POLA1: variants seen among roughly 807,000 people sequenced by gnomAD.
POLA1 encodes the protein DNA polymerase alpha 1, catalytic subunit.
A neutral mutation model predicts 124.0 loss-of-function variants in POLA1; 15 were observed. The observed-to-expected ratio is 0.12, with a 90% CI of 0.08 to 0.19. The LOEUF (loss-of-function observed/expected upper bound fraction) is 0.19, where lower values mean the gene tolerates loss of function less well. POLA1 is among the 10% of genes least tolerant of loss of function. The probability of loss-of-function intolerance (pLI) is 1.00; values close to 1 mark genes in which losing one functional copy is unlikely to be tolerated. For missense variants in POLA1, 886 were observed against 1,103.4 expected, an observed-to-expected ratio of 0.80 and a Z score of 2.79; for synonymous variants, 408 against 389.4, an observed-to-expected ratio of 1.05 and a Z score of -0.56.
At chrX:24,972,905 G>C (rs1441826112) in intron 36 of POLA1, among the ~76,000 whole-genome samples, 1 of 112,522 alleles carries the variant, frequency 8.9e-6, no homozygotes, top group Admixed American at 9.4e-5. Context: ...CAGCATGGTT[G>C]ACAAGGCACC....
At chrX:24,797,779 G>A (rs1315115024) in intron 26 of POLA1, among the ~76,000 whole-genome samples, 3 of 110,996 alleles carry the variant, frequency 2.7e-5, no homozygotes, top group African/African-American at 9.8e-5. Flanking sequence ...TGGGTGCAGT[G>A]ACTTACACCT....
At chrX:24,796,696 A>G (rs1234389360) in intron 26 of POLA1, among the ~76,000 whole-genome samples, 4 of 111,419 alleles carry the variant, frequency 3.6e-5, no homozygotes, top group Non-Finnish European at 7.5e-5. Context: ...TGATATTAAT[A>G]TATTGCATCC....
intron 36 of POLA1, among the ~76,000 whole-genome samples, chrX:24,989,352 C>G (rs1421290768): frequency 9.0e-6 from 1 of 111,642 alleles, no homozygotes; most frequent in East Asian, 2.8e-4. Flanking sequence ...CCCCCTAACC[C>G]CCCTGAGCAC....
chrX:24,790,257 G>T (rs1359395927), intron 26 of POLA1, among the ~76,000 whole-genome samples: 1 of 112,021 alleles, frequency 8.9e-6, no homozygotes, highest in Non-Finnish European at 1.9e-5. Context: ...ATAGTTGCAG[G>T]AGGTTTAAAG....
chrX:24,938,948 C>A (rs760884330), intron 36 of POLA1, among the ~76,000 whole-genome samples: 1 of 112,555 alleles, frequency 8.9e-6, no homozygotes, highest in South Asian at 3.6e-4. Context: ...TATTTTGGAG[C>A]AGCCAGCTTC....
At chrX:24,846,504 T>C (rs2046478859) in intron 34 of POLA1, among the ~76,000 whole-genome samples, 1 of 111,772 alleles carries the variant, frequency 8.9e-6, no homozygotes, top group African/African-American at 3.2e-5. Flanking sequence ...AAAGTTAAAA[T>C]TGAACTGGTA....
At chrX:24,861,813 G>A (rs777596208) in intron 34 of POLA1, among the ~76,000 whole-genome samples, 5 of 112,274 alleles carry the variant, frequency 4.5e-5, no homozygotes, top group East Asian at 5.6e-4. Flanking sequence ...AAATGTTAAC[G>A]TTTATGAAAA....
intron 35 of POLA1, among the ~76,000 whole-genome samples, chrX:24,888,388 C>T (rs2047091893): frequency 9.0e-6 from 1 of 110,976 alleles, no homozygotes; most frequent in South Asian, 3.8e-4. Flanking sequence ...TACATAATTA[C>T]AAAAGAAGAC....
At chrX:24,773,709 C>G (rs1040597127) in intron 26 of POLA1, among the ~76,000 whole-genome samples, 1 of 112,257 alleles carries the variant, frequency 8.9e-6, no homozygotes, top group Non-Finnish European at 1.9e-5. Context: ...GTTAATCTTT[C>G]TCTCAGATGG....
chrX:24,818,377 T>C lies in POLA1; in HGVS notation c.3430-3075T>C, dbSNP rs919980961. 2.7e-5 allele frequency among the ~76,000 whole-genome samples: 3 copies of C among 111,878 alleles called. No homozygotes were observed. In the Admixed American group the frequency reaches 2.8e-4, roughly 11 times the overall value. ...GTACTGTTATATCAGTTAAGATTTT[T>C]ATATTGTATTGCTTGTCCAAGACAA... On this transcript the variant is annotated intron_variant, in intron 30 of 36. Transcript: ENST00000379068.
intron 36 of POLA1, among the ~76,000 whole-genome samples, chrX:24,970,571 A>T (rs1156484782): frequency 1.8e-5 from 2 of 111,525 alleles, no homozygotes; most frequent in African/African-American, 6.5e-5. Flanking sequence ...ACAAAGGTCT[A>T]ATATCCAGAG....
intron 26 of POLA1, among the ~76,000 whole-genome samples, 196 bp downstream of exon 26, chrX:24,749,188 T>G (rs1263323047): frequency 2.7e-5 from 3 of 110,722 alleles, no homozygotes; most frequent in Non-Finnish European, 3.8e-5. Context: ...TATTTATTAT[T>G]GAACATCTAC....
chrX:24,697,185 C>G (rs1392121871), intron 1 of POLA1, among the ~76,000 whole-genome samples: 1 of 111,571 alleles, frequency 9.0e-6, no homozygotes, highest in Non-Finnish European at 1.9e-5. Flanking sequence ...TGATTGTACC[C>G]TAAACCCTGT....
intron 26 of POLA1, among the ~76,000 whole-genome samples, chrX:24,764,533 T>A (rs1318717568): frequency 1.8e-5 from 2 of 112,078 alleles, no homozygotes; most frequent in African/African-American, 6.5e-5. Flanking sequence ...TATGTTTACA[T>A]TTGTTTCTTC....
chrX:24,765,276 G>A (rs2148429681), intron 26 of POLA1, among the ~76,000 whole-genome samples: 1 of 107,957 alleles, frequency 9.3e-6, no homozygotes, highest in African/African-American at 3.4e-5. Context: ...TCTTGTGTGT[G>A]CGTGGTGTTT....
At chrX:24,779,222 G>C (rs961952196) in intron 26 of POLA1, among the ~76,000 whole-genome samples, 1 of 110,834 alleles carries the variant, frequency 9.0e-6, no homozygotes, top group East Asian at 2.8e-4. Flanking sequence ...AGGATTACAG[G>C]TGCCCACCAT....
At chrX:24,993,869 GA>G (rs1483403009) in intron 36 of POLA1, among the ~76,000 whole-genome samples, 1 of 112,228 alleles carries the variant, frequency 8.9e-6, no homozygotes, top group African/African-American at 3.2e-5. Context: ...TGTCTTTTAG[GA>G]GGAAGAGCAC....
At chrX:24,791,183 C>T (rs1383538122) in intron 26 of POLA1, among the ~76,000 whole-genome samples, 1 of 110,242 alleles carries the variant, frequency 9.1e-6, no homozygotes, top group East Asian at 2.9e-4. Context: ...GGTTTCAGAT[C>T]ATAAGTAGCA....
At chrX:24,914,797 AG>A (rs2047507263) in intron 35 of POLA1, among the ~76,000 whole-genome samples, 2 of 111,510 alleles carry the variant, frequency 1.8e-5, no homozygotes, top group Non-Finnish European at 3.8e-5. Context: ...ATAGCATCAT[AG>A]GGAAAAAGAG....
Sources: gnomAD v4.1 joint callset for allele counts (sites outside exome capture counted in the v4.1 genomes callset) on GRCh38, gnomAD v4.1.1 for gene constraint, MANE v1.5 for transcripts, NCBI Gene and HGNC (gene_info 2026-07-23, HGNC 2026-07-21) for gene names.